The following RBMS3 variants were observed in gnomAD, a reference collection of about 807,000 sequenced individuals.
RBMS3 encodes the protein RNA binding motif single stranded interacting protein 3.
Under a neutral mutation model 66.8 loss-of-function variants are expected in RBMS3, and 27 were observed. The observed-to-expected ratio is 0.40, with a 90% CI of 0.30 to 0.56. The LOEUF (loss-of-function observed/expected upper bound fraction) is 0.56, where lower values mean the gene tolerates loss of function less well. Among genes scored for constraint, RBMS3 ranks in the 20% least tolerant of loss-of-function variants. The pLI is 0.40. For synonymous variants in RBMS3, 188 were observed against 183.0 expected (o/e 1.03, Z -0.22); for missense variants, 513 against 549.5 (o/e 0.93, Z 0.66).
chr3:29,888,877 C>A (rs2059934479), intron 8 of RBMS3, among the ~76,000 whole-genome samples: 3 of 151,682 alleles, frequency 2.0e-5, no homozygotes, highest in Admixed American at 6.6e-5. Context: ...CAACCTAGCC[C>A]TTCCTCCGTG....
intron 10 of RBMS3, among the ~76,000 whole-genome samples, chr3:29,905,804 G>T (rs2149620153): frequency 6.6e-6 from 1 of 152,228 alleles, no homozygotes; most frequent in Non-Finnish European, 1.5e-5. Flanking sequence ...TCGTGAATTT[G>T]TGTGGGGTCA....
At chr3:29,656,749 C>T (rs1247582824) in intron 4 of RBMS3, among the ~76,000 whole-genome samples, 3 of 152,104 alleles carry the variant, frequency 2.0e-5, no homozygotes, top group Admixed American at 6.5e-5. Context: ...GACCCATAAC[C>T]GTTTTTTATG....
At chr3:29,827,578 C>T (rs1466336824) in intron 6 of RBMS3, among the ~76,000 whole-genome samples, 2 of 152,064 alleles carry the variant, frequency 1.3e-5, no homozygotes, top group Non-Finnish European at 2.9e-5. Context: ...GCTAACTGAA[C>T]CAGGGCTGAA....
In RBMS3 at chr3:29,857,834, C is replaced by G. The variant is rs2059119148; in HGVS notation, c.638-11024C>G. Among the ~76,000 whole-genome samples the G allele has an allele frequency of 5.3e-5, 8 of 152,180 alleles. No individual in the cohort carries two copies. In the South Asian group the frequency reaches 1.7e-3, roughly 32 times the overall value. On this transcript the variant is annotated intron_variant, in intron 6 of 14. Transcript: ENST00000383767. ...CCTGACCTCAATCAAATCAAATTCT[C>G]ATAGTAGTGGAGAGGAACATGGGAA...
At chr3:29,901,042 G>C (rs1327362736) in intron 10 of RBMS3, among the ~76,000 whole-genome samples, 1 of 151,618 alleles carries the variant, frequency 6.6e-6, no homozygotes, top group African/African-American at 2.4e-5. Flanking sequence ...TAAAATATAT[G>C]TAGTTTACCA....
chr3:29,991,287 C>T, intron 14 of RBMS3, 78 bp downstream of exon 14: 1 of 1,591,252 alleles, frequency 6.3e-7, no homozygotes, highest in South Asian at 1.1e-5. Flanking sequence ...TATGTGTTAG[C>T]TTTTGCTGAA....
chr3:29,958,129 C>G (rs555159812), intron 12 of RBMS3, among the ~76,000 whole-genome samples: 1 of 152,250 alleles, frequency 6.6e-6, no homozygotes, highest in East Asian at 1.9e-4. Context: ...CATGAACAAA[C>G]AAGGCACCCT....
chr3:29,884,944 T>G (rs1391485411), intron 8 of RBMS3, among the ~76,000 whole-genome samples: 1 of 151,988 alleles, frequency 6.6e-6, no homozygotes, highest in Non-Finnish European at 1.5e-5. Context: ...TGTCTGTCTT[T>G]CAGTCTCATT....
At chr3:29,758,525 C>A (rs1316297335) in intron 5 of RBMS3, among the ~76,000 whole-genome samples, 3 of 152,124 alleles carry the variant, frequency 2.0e-5, no homozygotes, top group African/African-American at 7.2e-5. Context: ...TAATGCTGAG[C>A]AAGATACCCT....
rs573551061 is a variant in RBMS3 at position 29,784,178 on chromosome 3, ATACCC to A, written c.637+21193_637+21197del. Among the ~76,000 whole-genome samples, 834 of 152,242 alleles carry A rather than the reference ATACCC, an allele frequency of 5.5e-3. 6 individuals are homozygous for A. Among genetic ancestry groups the A allele is most frequent in the African/African-American group, 0.019 (789 of 41,562 alleles). The stretch of plus-strand genomic sequence containing the variant: ...AACAAAGAAACAATGGACTTAAACT[ATACCC>A]TACAACACATGGATTTAACAGATAT... On this transcript the variant is annotated intron_variant, in intron 6 of 14. Coordinates refer to ENST00000383767, the MANE Select transcript of RBMS3 (RefSeq NM_001003793.3).
intron 4 of RBMS3, chr3:29,698,719 C>T: frequency 1.6e-6 from 1 of 607,466 alleles, no homozygotes; most frequent in Non-Finnish European, 2.1e-6. Flanking sequence ...CTATGCTATT[C>T]TTAATGTTTA....
rs552013682 is a variant in RBMS3 at position 29,518,981 on chromosome 3, T to C, written c.307+30482T>C. Among the ~76,000 whole-genome samples, 5 of 152,266 alleles carry C rather than the reference T, an allele frequency of 3.3e-5. No homozygotes were observed. In the East Asian group the frequency reaches 7.7e-4, roughly 23 times the overall value. On this transcript the variant is annotated intron_variant, in intron 3 of 14. Coordinates refer to ENST00000383767, the MANE Select transcript of RBMS3 (RefSeq NM_001003793.3). Reference sequence around the variant, plus strand: ...ATATTAGTAAGATCGTAATGAACCATTTGAAGGAAAGTAGAATACGCAGAG... The same window carrying C: ...ATATTAGTAAGATCGTAATGAACCACTTGAAGGAAAGTAGAATACGCAGAG...
chr3:29,702,540 C>G (rs2052662303), intron 4 of RBMS3, among the ~76,000 whole-genome samples: 1 of 152,220 alleles, frequency 6.6e-6, no homozygotes, highest in Admixed American at 6.5e-5. Context: ...TAAGTCACTG[C>G]TGCTCACTTT....
At chr3:29,804,560 T>G (rs1397430654) in intron 6 of RBMS3, among the ~76,000 whole-genome samples, 3 of 152,170 alleles carry the variant, frequency 2.0e-5, no homozygotes, top group East Asian at 1.9e-4. Flanking sequence ...TTTTTAATAC[T>G]CTTAAGAAAT....
chr3:29,427,909 T>C (rs932858367), intron 1 of RBMS3, among the ~76,000 whole-genome samples: 3 of 152,142 alleles, frequency 2.0e-5, no homozygotes, highest in African/African-American at 7.2e-5. Flanking sequence ...GGGAATTGCA[T>C]GCAAAAAATA....
chr3:29,296,368 T>G (rs1412405465), intron 1 of RBMS3, among the ~76,000 whole-genome samples: 1 of 151,834 alleles, frequency 6.6e-6, no homozygotes, highest in Non-Finnish European at 1.5e-5. Flanking sequence ...ATTATTATCT[T>G]GGGAATGTGT....
Position 29,420,967 on chromosome 3 carries a change from AC to A in RBMS3, c.76-13775del, listed in dbSNP as rs1167644857. Among the ~76,000 whole-genome samples the A allele has an allele frequency of 2.6e-3, 270 of 104,298 alleles. 5 individuals are homozygous for A. The South Asian group carries it at 0.038, about 15-fold the overall frequency. The allele number at this position is 104,298 out of a possible 152,430, so 68.4% of individuals were successfully genotyped here. ...AAAATGAAAAAAAAAAAAAAAATTAACTGGGCGTGGTGGCGGGCGCCTGTAG... is the reference window on the plus strand; with the variant it reads ...AAAATGAAAAAAAAAAAAAAAATTAATGGGCGTGGTGGCGGGCGCCTGTAG... On this transcript the variant is annotated intron_variant, in intron 1 of 14. Coordinates refer to ENST00000383767, the MANE Select transcript of RBMS3 (RefSeq NM_001003793.3).
intron 2 of RBMS3, among the ~76,000 whole-genome samples, chr3:29,457,160 C>T (rs1035591649): frequency 6.6e-6 from 1 of 152,154 alleles, no homozygotes; most frequent in Non-Finnish European, 1.5e-5. Flanking sequence ...TTCTACACCT[C>T]CCTTCTTCTC....
intron 1 of RBMS3, among the ~76,000 whole-genome samples, chr3:29,282,275 GTTTATT>G (rs1398598454): frequency 7.2e-5 from 11 of 152,208 alleles, no homozygotes; most frequent in Middle Eastern, 3.4e-3. Context: ...GTCTCTGAGA[GTTTATT>G]TTTATTTTTA....
Sources: allele counts gnomAD v4.1 joint callset (sites outside exome capture counted in the v4.1 genomes callset), GRCh38; gene constraint gnomAD v4.1.1; transcripts MANE v1.5; gene names NCBI Gene and HGNC (gene_info 2026-07-23, HGNC 2026-07-21).